MTOR: variants seen among roughly 807,000 people sequenced by gnomAD.
MTOR encodes serine/threonine-protein kinase mTOR.
A neutral mutation model predicts 319.8 loss-of-function variants in MTOR; 70 were observed. The observed-to-expected ratio is 0.22, with a 90% CI of 0.18 to 0.27. MTOR has a LOEUF of 0.27. Ranked by LOEUF, MTOR falls within the 10% of genes least tolerant of loss-of-function variation. The pLI, the probability that MTOR is intolerant of heterozygous loss-of-function variation, is 1.00. For synonymous variants in MTOR, 1,183 were observed against 1,211.4 expected, an observed-to-expected ratio of 0.98 and a Z score of 0.49; for missense variants, 1,890 against 3,274.4, an observed-to-expected ratio of 0.58 and a Z score of 10.32.
In MTOR at chr1:11,144,649, T is replaced by C. The variant is rs938233596; in HGVS notation, c.4871A>G (p.Gln1624Arg). The stretch of plus-strand genomic sequence containing the variant: ...ACTGGGGCTTTCTACCAAGCTCACC[T>C]GCAGTCTCTCCCACCAGATCTGGCG... ...IIRQIWWERLQGCQRIVEDWQ... is the reference protein window; with the variant it reads ...IIRQIWWERLRGCQRIVEDWQ... The change falls in exon 34 of 58, where the codon CAG becomes CGG. Residue 1624 changes from glutamine to arginine, a missense_variant and splice_region_variant. By Grantham distance (43) the Gln-to-Arg change is conservative. Around this residue, in one of 15 missense-constraint regions of MTOR, gnomAD observed 276 missense variants for 459.4 expected, o/e 0.60. Transcript: ENST00000361445. The C allele has an allele frequency of 6.2e-6, 10 of 1,614,000 alleles. No individual in the cohort carries two copies. Among genetic ancestry groups the C allele is most frequent in the Non-Finnish European group, 7.6e-6 (9 of 1,179,930 alleles).
rs2100419370 is a variant in MTOR, at chr1:11,128,921, G to A, written c.5745C>T (p.His1915=). The part of the protein sequence containing the change: ...RVLTLWFDYG[H]WPDVNEALVE... Reference sequence around the variant, plus strand: ...CTAAGGCCTCATTGACATCTGGCCAGTGACCATAATCAAACCATAAGGTGA... The same window carrying A: ...CTAAGGCCTCATTGACATCTGGCCAATGACCATAATCAAACCATAAGGTGA... Residue 1915 remains histidine (H), a synonymous_variant, in exon 41 of 58, where the codon CAC becomes CAT. Transcript: ENST00000361445. This position sits in a 1 kb window ranked among gnomAD's most constrained non-coding sequence, Gnocchi z 5.3. 1.9e-6 allele frequency: 3 copies of A among 1,613,862 alleles called. No individual in the cohort carries two copies. The highest frequency in any genetic ancestry group is 1.1e-5 in the South Asian group (1 of 90,968).
chr1:11,125,700 G>A (rs908273257), intron 46 of MTOR, among the ~76,000 whole-genome samples: 14 of 146,354 alleles, frequency 9.6e-5, no homozygotes, highest in Admixed American at 7.0e-4. Context: ...CCTCACTCCA[G>A]CCTGGGCAAC....
chr1:11,148,035 T>C lies in MTOR; in HGVS notation c.4571-1244A>G, dbSNP rs368260513. On this transcript the variant is annotated intron_variant, in intron 31 of 57. Coordinates refer to ENST00000361445, the MANE Select transcript of MTOR (RefSeq NM_004958.4). ...CAGATGGGGGTTCATTATACTATAATCTTCACTGTTATATATATTGGGAAA... is the reference window on the plus strand; with the variant it reads ...CAGATGGGGGTTCATTATACTATAACCTTCACTGTTATATATATTGGGAAA... Among the ~76,000 whole-genome samples, 51 of 152,296 alleles carry C rather than the reference T, an allele frequency of 3.3e-4. No individual in the cohort carries two copies. The South Asian group carries it at 8.5e-3, about 25-fold the overall frequency.
chr1:11,133,280 T>C lies in MTOR; in HGVS notation c.5247-83A>G. The C allele has an allele frequency of 8.4e-7, 1 of 1,193,746 alleles. No individual in the cohort carries two copies. The highest frequency in any genetic ancestry group is 1.2e-6 in the Non-Finnish European group (1 of 808,748). 73.9% of individuals were successfully genotyped at this position (1,193,746 alleles called of 1,614,324 possible). ...AGGACCACAAATTGTTAGGGGACAC[T>C]GAAGCCCTTCTGGTATTTCCTCTTA... On this transcript the variant is annotated intron_variant, in intron 37 of 57. Transcript: ENST00000361445. The surrounding 1 kb of genome is among the most constrained non-coding windows in gnomAD (Gnocchi z 4.0).
chr1:11,222,422 C>T (rs895506956), intron 19 of MTOR, among the ~76,000 whole-genome samples: 2 of 152,276 alleles, frequency 1.3e-5, no homozygotes, highest in East Asian at 3.9e-4. Context: ...TGGTCTTGAT[C>T]TCCTGACCTT....
rs746045612 is a variant in MTOR at position 11,128,754 on chromosome 1, AAC to A, written c.5811+99_5811+100del. The A allele has an allele frequency of 9.0e-6, 10 of 1,116,152 alleles. No individual in the cohort carries two copies. Among genetic ancestry groups the A allele is most frequent in the Non-Finnish European group, 9.4e-6 (7 of 748,520 alleles). The allele number at this position is 1,116,152 out of a possible 1,614,324, so 69.1% of individuals were successfully genotyped here. On this transcript the variant is annotated intron_variant, in intron 41 of 57. Coordinates refer to ENST00000361445, the MANE Select transcript of MTOR (RefSeq NM_004958.4). The surrounding 1 kb of genome is among the most constrained non-coding windows in gnomAD (Gnocchi z 5.3). Reference sequence around the variant, plus strand: ...AGCCCTACTTCCTTAGCACTGTATTAACACACACTGCCTTGTGACACTGAACA... The same window carrying A: ...AGCCCTACTTCCTTAGCACTGTATTAACACACTGCCTTGTGACACTGAACA...
In MTOR at chr1:11,199,241, A is replaced by G; in HGVS notation, c.4253+17T>C. The G allele has an allele frequency of 6.2e-7, 1 of 1,614,162 alleles. No homozygotes were observed. Among genetic ancestry groups the G allele is most frequent in the Non-Finnish European group, 8.5e-7 (1 of 1,179,996 alleles). ...ATTTTGCATGAAGGCAGCAATTAAA[A>G]AGGGTTTATGGCCTACCTGATGAGA... On this transcript the variant is annotated intron_variant, in intron 28 of 57. Transcript: ENST00000361445. This position sits in a 1 kb window ranked among gnomAD's most constrained non-coding sequence, Gnocchi z 4.5.
chr1:11,191,509 C>T (rs1295920231), intron 28 of MTOR, among the ~76,000 whole-genome samples: 2 of 152,114 alleles, frequency 1.3e-5, no homozygotes, highest in African/African-American at 2.4e-5. Flanking sequence ...GGAAGCTTCT[C>T]TTGGATAGTA....
At chr1:11,205,083 G>A (rs920923089) in intron 25 of MTOR, among the ~76,000 whole-genome samples, 5 of 152,194 alleles carry the variant, frequency 3.3e-5, no homozygotes, top group East Asian at 3.8e-4. Context: ...GAAGAGTCAC[G>A]CAAGAAGAGG....
chr1:11,229,022 A>G (rs542292746), intron 18 of MTOR, 104 bp from the exon 19 acceptor site: 8 of 1,392,346 alleles, frequency 5.7e-6, no homozygotes, highest in South Asian at 3.9e-5. Flanking sequence ...ATTAGCATTC[A>G]TATCTTTCTT....
chr1:11,171,493 C>T (rs972826740), intron 28 of MTOR, among the ~76,000 whole-genome samples: 12 of 151,792 alleles, frequency 7.9e-5, no homozygotes, highest in Non-Finnish European at 8.8e-5. Context: ...CGATTCATTC[C>T]GAGGAGAAAA....
intron 28 of MTOR, among the ~76,000 whole-genome samples, chr1:11,198,117 T>G (rs1456858799): frequency 2.0e-5 from 3 of 152,176 alleles, no homozygotes; most frequent in African/African-American, 7.2e-5. Flanking sequence ...GACCTTAAAG[T>G]GATCATACTT....
At chr1:11,145,756 G>A (rs1044655567) in intron 32 of MTOR, among the ~76,000 whole-genome samples, 3 of 152,078 alleles carry the variant, frequency 2.0e-5, no homozygotes, top group South Asian at 2.1e-4. Flanking sequence ...CGTCTGCCTC[G>A]GCCTCCCAAA....
At chr1:11,188,637 T>C (rs1645400057) in intron 28 of MTOR, among the ~76,000 whole-genome samples, 1 of 152,238 alleles carries the variant, frequency 6.6e-6, no homozygotes, top group Admixed American at 6.5e-5. Context: ...TGACACCTCC[T>C]TGCAAAATAT....
chr1:11,141,472 G>T (rs139323066), intron 34 of MTOR, among the ~76,000 whole-genome samples: 3 of 151,854 alleles, frequency 2.0e-5, no homozygotes, highest in Non-Finnish European at 4.4e-5. Flanking sequence ...AGGTTCAAGC[G>T]ATTCTTCTGC....
At chr1:11,180,106 T>C (rs992569883) in intron 28 of MTOR, among the ~76,000 whole-genome samples, 2 of 152,142 alleles carry the variant, frequency 1.3e-5, no homozygotes, top group African/African-American at 4.8e-5. Flanking sequence ...GGTCTTGCTA[T>C]GTTACCCAGG....
rs149044576 is a variant in MTOR at position 11,150,793 on chromosome 1, T to C, written c.4470-567A>G. On this transcript the variant is annotated intron_variant, in intron 30 of 57. Transcript: ENST00000361445. ...CTGAATGTGAAGGAGGACTATGAGA[T>C]ATTGAGATATAAATGGTGCTTAAGA... is the stretch of plus-strand genomic sequence containing the variant. 5.9e-3 allele frequency among the ~76,000 whole-genome samples: 899 copies of C among 152,304 alleles called. 18 individuals are homozygous for C. The highest frequency in any genetic ancestry group is 0.033 in the Admixed American group (502 of 15,302).
intron 36 of MTOR, among the ~76,000 whole-genome samples, chr1:11,138,445 A>G (rs6701524): frequency 0.3 from 46,029 of 152,142 alleles, 8,279 homozygotes; most frequent in African/African-American, 0.51. Context: ...TGGTATTCAC[A>G]GCCACTCTGA....
At chr1:11,159,232 C>T (rs901589594) in intron 29 of MTOR, among the ~76,000 whole-genome samples, 16 of 152,116 alleles carry the variant, frequency 1.1e-4, no homozygotes, top group African/African-American at 3.6e-4. Context: ...ACATGAAGTG[C>T]CCTCTCGCCC....
Sources: gnomAD v4.1 joint callset for allele counts (sites outside exome capture counted in the v4.1 genomes callset) on GRCh38, gnomAD v4.1.1 for gene constraint, gnomAD v4.1.1 regional missense constraint, Gnocchi (gnomAD v3.1) non-coding constraint, MANE v1.5 for transcripts, NCBI Gene and HGNC (gene_info 2026-07-23, HGNC 2026-07-21) for gene names.